The following FILIP1L variants were observed in gnomAD, a reference collection of about 807,000 sequenced individuals.
The protein encoded by FILIP1L is filamin A-interacting protein 1-like.
In FILIP1L, 55 loss-of-function variants were observed where a neutral mutation model predicts 96.6. The observed-to-expected ratio is 0.57, with a 90% CI of 0.46 to 0.71. The LOEUF is 0.71. FILIP1L is among the 30% of genes least tolerant of loss of function. FILIP1L has a pLI of 0.00. For synonymous variants in FILIP1L, 467 were observed against 473.9 expected (o/e 0.99, Z 0.19); for missense variants, 1,304 against 1,321.2 (o/e 0.99, Z 0.20).
intron 4 of FILIP1L, among the ~76,000 whole-genome samples, chr3:99,858,176 C>T (rs1553689764): frequency 6.6e-6 from 1 of 152,072 alleles, no homozygotes; most frequent in Admixed American, 6.5e-5. Context: ...TTTAAAAATA[C>T]TCATTAGTGC....
At chr3:99,881,747 G>C (rs916787502) in intron 4 of FILIP1L, among the ~76,000 whole-genome samples, 30 of 152,254 alleles carry the variant, frequency 2.0e-4, no homozygotes, top group Admixed American at 7.2e-4. Context: ...TGGCCAGGCT[G>C]GTCTCGAACT....
rs1349778939 is a variant in FILIP1L at position 99,848,437 on chromosome 3, G to T, written c.3239C>A (p.Pro1080His). 9 of 1,614,064 alleles carry T rather than the reference G, an allele frequency of 5.6e-6. No individual in the cohort carries two copies. Among genetic ancestry groups the T allele is most frequent in the Non-Finnish European group, 5.9e-6 (7 of 1,180,022 alleles). ...YMQAVASPVR[P>H]ASPSAPLQDN... The stretch of plus-strand genomic sequence containing the variant: ...CTGCAGTGGTGCTGAAGGGCTGGCA[G>T]GTCTCACAGGGCTGGCTACAGCTTG... Residue 1080 changes from proline (P) to histidine (H), a missense_variant, in exon 5 of 6, where the codon CCT becomes CAT. Transcript: ENST00000477258.
chr3:100,027,844 C>T (rs1045587494), intron 1 of FILIP1L, among the ~76,000 whole-genome samples: 3 of 151,976 alleles, frequency 2.0e-5, no homozygotes, highest in African/African-American at 7.2e-5. Context: ...GTAAAAATAC[C>T]CATGATGCTT....
chr3:99,846,970 G>A (rs965462482), intron 5 of FILIP1L, among the ~76,000 whole-genome samples: 5 of 152,204 alleles, frequency 3.3e-5, no homozygotes, highest in African/African-American at 9.6e-5. Flanking sequence ...CCTGAAAGCT[G>A]TTGTTCTCTG....
At chr3:99,963,092 G>C (rs1708541497) in intron 1 of FILIP1L, among the ~76,000 whole-genome samples, 1 of 152,228 alleles carries the variant, frequency 6.6e-6, no homozygotes, top group Non-Finnish European at 1.5e-5. Flanking sequence ...CTGTCAAAGA[G>C]GGTTTAGCCT....
chr3:99,942,042 G>GT, intron 1 of FILIP1L, among the ~76,000 whole-genome samples: 1 of 152,118 alleles, frequency 6.6e-6, no homozygotes, highest in South Asian at 2.1e-4. Flanking sequence ...CGGTGAAACT[G>GT]TATCTCTACT....
At chr3:99,948,560 A>AGGG in intron 1 of FILIP1L, among the ~76,000 whole-genome samples, 9 of 143,494 alleles carry the variant, frequency 6.3e-5, no homozygotes, top group Non-Finnish European at 1.4e-4. Flanking sequence ...GGGGAGAAGA[A>AGGG]GGAGAAGGCG....
At chr3:99,990,122 A>C (rs1301982089) in intron 1 of FILIP1L, among the ~76,000 whole-genome samples, 18 of 152,194 alleles carry the variant, frequency 1.2e-4, no homozygotes. Flanking sequence ...TTTACCCAGC[A>C]GCTATTGTAT....
chr3:100,057,545 G>A (rs1559742329), intron 1 of FILIP1L, among the ~76,000 whole-genome samples: 2 of 152,148 alleles, frequency 1.3e-5, no homozygotes, highest in East Asian at 1.9e-4. Flanking sequence ...TAAAGTTCTC[G>A]TGATATGTCT....
intron 1 of FILIP1L, among the ~76,000 whole-genome samples, chr3:100,055,079 G>A (rs1200047465): frequency 6.6e-6 from 1 of 152,026 alleles, no homozygotes; most frequent in African/African-American, 2.4e-5. Flanking sequence ...TTGTCTTTCT[G>A]GAAGTCTCCT....
chr3:99,989,378 A>G (rs897971294), intron 1 of FILIP1L, among the ~76,000 whole-genome samples: 11 of 152,180 alleles, frequency 7.2e-5, no homozygotes, highest in African/African-American at 2.2e-4. Flanking sequence ...AATCCCCCAG[A>G]CAAGAAGACT....
intron 1 of FILIP1L, among the ~76,000 whole-genome samples, chr3:99,997,943 G>A (rs370286624): frequency 2.2e-4 from 34 of 152,256 alleles, no homozygotes; most frequent in East Asian, 1.7e-3. Context: ...TCTACATCAA[G>A]AATCAAGATC....
At chr3:99,833,378 G>T (rs1942766623) in intron 5 of FILIP1L, 1 of 798,064 alleles carries the variant, frequency 1.3e-6, no homozygotes, top group Non-Finnish European at 2.0e-6. Flanking sequence ...AAGACTCCCT[G>T]GTTACAGTGA....
intron 1 of FILIP1L, among the ~76,000 whole-genome samples, chr3:99,991,599 C>G (rs1309646658): frequency 6.6e-6 from 1 of 151,926 alleles, no homozygotes; most frequent in Admixed American, 6.6e-5. Context: ...CCCTCACCCC[C>G]CTGCCACCTT....
chr3:100,090,239 A>G (rs1034016812), intron 1 of FILIP1L, among the ~76,000 whole-genome samples: 6 of 152,124 alleles, frequency 3.9e-5, no homozygotes, highest in South Asian at 2.1e-4. Context: ...GCTGTTTGCT[A>G]TTGTTTTCTT....
chr3:99,972,890 C>T (rs899877435), intron 1 of FILIP1L, among the ~76,000 whole-genome samples: 3 of 152,184 alleles, frequency 2.0e-5, no homozygotes, highest in Admixed American at 6.5e-5. Flanking sequence ...AAATAATGAA[C>T]TCCTTTGTTG....
intron 2 of FILIP1L, 44 bp downstream of exon 2, chr3:99,930,725 C>A (rs746040460): frequency 3.0e-5 from 48 of 1,599,656 alleles, no homozygotes; most frequent in Non-Finnish European, 3.8e-5. Context: ...TCACAAGCAG[C>A]CTTCTGTTTG....
chr3:100,077,030 A>G (rs750109372), intron 1 of FILIP1L, among the ~76,000 whole-genome samples: 8 of 152,242 alleles, frequency 5.3e-5, no homozygotes, highest in Admixed American at 1.3e-4. Flanking sequence ...TTTCGGAACA[A>G]GGCTGGCCAG....
Position 99,930,931 on chromosome 3 carries a change from G to GT in FILIP1L, c.89dup (p.Asn30LysfsTer5). On this transcript the variant is annotated frameshift_variant, in exon 2 of 6. Transcript: ENST00000477258. LOFTEE classifies it high-confidence loss of function. Reference sequence around the variant, plus strand: ...CTTTGTCTTGCTGTCTATGCTTCATGTTTTTAGGCCCTTGGAAACTGTGGC... The same window carrying GT: ...CTTTGTCTTGCTGTCTATGCTTCATGTTTTTTAGGCCCTTGGAAACTGTGGC... The GT allele has an allele frequency of 6.2e-7, 1 of 1,613,632 alleles. No homozygotes were observed. Among genetic ancestry groups the GT allele is most frequent in the Non-Finnish European group, 8.5e-7 (1 of 1,179,926 alleles).
Sources: allele counts gnomAD v4.1 joint callset (sites outside exome capture counted in the v4.1 genomes callset), GRCh38; gene constraint gnomAD v4.1.1; transcripts MANE v1.5; gene names NCBI Gene and HGNC (gene_info 2026-07-23, HGNC 2026-07-21).